The following TM9SF1 variants were observed in gnomAD, a reference collection of about 807,000 sequenced individuals.
The protein encoded by TM9SF1 is MP70 protein family member.
A neutral mutation model predicts 52.4 loss-of-function variants in TM9SF1; 25 were observed. That is an observed-to-expected ratio of 0.48 (90% CI 0.35 to 0.67). The LOEUF is 0.67. Ranked by LOEUF, TM9SF1 falls within the 30% of genes least tolerant of loss-of-function variation. TM9SF1 has a pLI of 0.01. For missense variants in TM9SF1, 604 were observed against 780.3 expected, an observed-to-expected ratio of 0.77 and a Z score of 2.69; for synonymous variants, 284 against 299.8, an observed-to-expected ratio of 0.95 and a Z score of 0.55.
At position 24,189,209 on chromosome 14, in the gene TM9SF1, G is replaced by A. The variant is rs138656293; in HGVS notation, c.*206C>T. ...AAGAAAAATCAGGACCAAAACTAAA[G>A]GCAACTTAAAAAGTTCAAATATATA... On this transcript the variant is annotated 3_prime_UTR_variant, in exon 6 of 6. Coordinates refer to ENST00000261789, the MANE Select transcript of TM9SF1 (RefSeq NM_006405.7). The A allele has an allele frequency of 4.1e-5, 21 of 515,296 alleles. No individual in the cohort carries two copies. The East Asian group carries it at 6.4e-4, about 16-fold the overall frequency. 31.9% of individuals were successfully genotyped at this position (515,296 alleles called of 1,614,324 possible).
Position 24,193,172 on chromosome 14 carries a change from C to G in TM9SF1, c.443G>C (p.Ser148Thr), listed in dbSNP as rs1479760657. ...CTTGTGGCTGTGTGGCAGGAAACCACTCTCCTCCATGTAGCCCACAAAGCC... is the reference window on the plus strand; with the variant it reads ...CTTGTGGCTGTGTGGCAGGAAACCAGTCTCCTCCATGTAGCCCACAAAGCC... ...IRGFVGYMEE[S>T]GFLPHSHKIG... Residue 148 changes from serine (S) to threonine (T), a missense_variant, in exon 3 of 6, where the codon AGT becomes ACT. By Grantham distance (58) the Ser-to-Thr change is moderately conservative (BLOSUM62 1). Around this residue, in one of 3 missense-constraint regions of TM9SF1, gnomAD observed 450 missense variants for 560.1 expected, o/e 0.80. Transcript: ENST00000261789. 1.2e-6 allele frequency: 2 copies of G among 1,614,034 alleles called. No homozygotes were observed. Among genetic ancestry groups the G allele is most frequent in the Middle Eastern group, 1.6e-4 (1 of 6,084 alleles).
chr14:24,195,291 C>T (rs1372136136), intron 1 of TM9SF1, 55 bp downstream of exon 1: 2 of 457,080 alleles, frequency 4.4e-6, no homozygotes, highest in Non-Finnish European at 7.9e-6. Flanking sequence ...TCCATGGCAA[C>T]GCCGCTCGGT....
rs1406769478 is a variant in TM9SF1 at position 24,192,951 on chromosome 14, C to G, written c.664G>C (p.Gly222Arg). 1 of 1,614,060 alleles carries G rather than the reference C, an allele frequency of 6.2e-7. No individual in the cohort carries two copies. Among genetic ancestry groups the G allele is most frequent in the Admixed American group, 1.7e-5 (1 of 60,010 alleles). The part of the protein sequence containing the change: ...SVERRSDRRR[G>R]DDGGFFPRTL... ...CGAGGAAAGAAACCACCATCGTCAC[C>G]ACGGCGCCTGTCACTCCGACGCTCC... The change falls in exon 3 of 6, where the codon GGT (glycine) becomes CGT (arginine). Residue 222 changes from glycine (G) to arginine (R), a missense_variant. Around this residue, in one of 3 missense-constraint regions of TM9SF1, gnomAD observed 450 missense variants for 560.1 expected, o/e 0.80. Transcript: ENST00000261789. The surrounding 1 kb of genome is among the most constrained non-coding windows in gnomAD (Gnocchi z 4.0).
intron 1 of TM9SF1, 78 bp from the exon 2 acceptor site, chr14:24,195,114 C>A: frequency 9.8e-7 from 1 of 1,016,814 alleles, no homozygotes; most frequent in Non-Finnish European, 1.4e-6. Flanking sequence ...AACTGAGGTC[C>A]CCTGGCTCCA....
At chr14:24,195,281 T>C in intron 1 of TM9SF1, 65 bp downstream of exon 1, 1 of 481,622 alleles carries the variant, frequency 2.1e-6, no homozygotes, top group Non-Finnish European at 3.7e-6. Flanking sequence ...CTGGCCCGTT[T>C]CCATGGCAAC....
chr14:24,192,768 A>C lies in TM9SF1; in HGVS notation c.847T>G (p.Phe283Val). 4.3e-6 allele frequency: 7 copies of C among 1,614,210 alleles called. No homozygotes were observed. Among genetic ancestry groups the C allele is most frequent in the Non-Finnish European group, 5.9e-6 (7 of 1,180,036 alleles). The change falls in exon 3 of 6, where the codon TTT (phenylalanine) becomes GTT (valine). Residue 283 changes from phenylalanine (F) to valine (V), a missense_variant. Phe to Val is a conservative substitution (Grantham distance 50). Around this residue, in one of 3 missense-constraint regions of TM9SF1, gnomAD observed 450 missense variants for 560.1 expected, o/e 0.80. Transcript: ENST00000261789. This position sits in a 1 kb window ranked among gnomAD's most constrained non-coding sequence, Gnocchi z 4.0. ...ETTSAGSGDD[F>V]DQGDNGWKII... ...TTCCAGCCATTGTCACCCTGGTCAA[A>C]GTCATCACCAGAACCTGCAGAGGTG...
chr14:24,193,987 T>G (rs1428508230), intron 2 of TM9SF1, among the ~76,000 whole-genome samples: 1 of 151,962 alleles, frequency 6.6e-6, no homozygotes, highest in Admixed American at 6.6e-5. Context: ...TGGATAATTC[T>G]TTGTCATAGT....
intron 5 of TM9SF1, 150 bp downstream of exon 5, chr14:24,190,230 C>T (rs1455223976): frequency 1.3e-6 from 2 of 1,481,678 alleles, no homozygotes; most frequent in African/African-American, 2.8e-5. Context: ...CTCAGTCCTG[C>T]TTGGGGATAG....
Position 24,189,819 on chromosome 14 carries a change from AAG to A in TM9SF1, c.1428-13_1428-12del. ...TCCACAGAGATGGCACTGTGAAGAA[AAG>A]AGATGATACACAGCATTAAAGGGCT... On this transcript the variant is annotated splice_polypyrimidine_tract_variant and intron_variant, in intron 5 of 5. Transcript: ENST00000261789. 2.5e-6 allele frequency: 4 copies of A among 1,593,504 alleles called. No individual in the cohort carries two copies. The highest frequency in any genetic ancestry group is 3.4e-6 in the Non-Finnish European group (4 of 1,167,208).
At chr14:24,194,561 T>G in intron 2 of TM9SF1, 114 bp downstream of exon 2, 1 of 1,009,670 alleles carries the variant, frequency 9.9e-7, no homozygotes, top group East Asian at 2.4e-5. Context: ...TGGGTTGTAT[T>G]GTAGTTAGAA....
intron 4 of TM9SF1, chr14:24,191,908 C>A (rs1395467809): frequency 2.6e-6 from 1 of 391,988 alleles, no homozygotes; most frequent in Non-Finnish European, 4.9e-6. Context: ...CCCTGGCTCC[C>A]CAGGCTCAAG....
At position 24,190,578 on chromosome 14, in the gene TM9SF1, G is replaced by A; in HGVS notation, c.1229C>T (p.Thr410Ile). 4 of 1,614,202 alleles carry A rather than the reference G, an allele frequency of 2.5e-6. No homozygotes were observed. Among genetic ancestry groups the A allele is most frequent in the Non-Finnish European group, 3.4e-6 (4 of 1,180,040 alleles). ...AACCGTCAGAAGCAGCAGGATGGTT[G>A]TGGCTGGCAGAGCCTGTGTCGAACC... is the stretch of plus-strand genomic sequence containing the variant. ...ANGSTQALPA[T>I]TILLLLTVWL... The change falls in exon 5 of 6, where the codon ACA becomes ATA. Residue 410 changes from threonine (T) to isoleucine (I), a missense_variant. Transcript: ENST00000261789.
intron 4 of TM9SF1, chr14:24,191,886 T>C (rs1475315739): frequency 5.6e-6 from 2 of 359,050 alleles, no homozygotes; most frequent in African/African-American, 4.1e-5. Flanking sequence ...TGGCTCACTG[T>C]AGCCTCAACC....
At position 24,192,444 on chromosome 14, in the gene TM9SF1, C is replaced by G. The variant is rs1006825058; in HGVS notation, c.968-88G>C. ...AGGAATCAGCCCCCCTTCTCCCAGA[C>G]CCAGGGCCTCCAGCAAAACAATCTC... On this transcript the variant is annotated intron_variant, in intron 3 of 5. Transcript: ENST00000261789. This position sits in a 1 kb window ranked among gnomAD's most constrained non-coding sequence, Gnocchi z 4.0. The G allele has an allele frequency of 2.0e-6, 3 of 1,465,370 alleles. No individual in the cohort carries two copies. In the African/African-American group the frequency reaches 4.2e-5, roughly 21 times the overall value. 90.8% of individuals were successfully genotyped at this position (1,465,370 alleles called of 1,614,324 possible).
Position 24,189,217 on chromosome 14 carries a change from A to G in TM9SF1, c.*198T>C. 1 of 536,954 alleles carries G rather than the reference A, an allele frequency of 1.9e-6. No homozygotes were observed. The highest frequency in any genetic ancestry group is 3.7e-5 in the South Asian group (1 of 27,114). 33.3% of individuals were successfully genotyped at this position (536,954 alleles called of 1,614,324 possible). A position where few individuals can be genotyped will look rare whatever the true frequency, so the allele number is the denominator to read the frequency against. On this transcript the variant is annotated 3_prime_UTR_variant, in exon 6 of 6. Transcript: ENST00000261789. ...TCAGGACCAAAACTAAAGGCAACTTAAAAAGTTCAAATATATAATCCTTAT... is the reference window on the plus strand; with the variant it reads ...TCAGGACCAAAACTAAAGGCAACTTGAAAAGTTCAAATATATAATCCTTAT...
At position 24,189,433 on chromosome 14, in the gene TM9SF1, A is replaced by G. The variant is rs2039282326; in HGVS notation, c.1803T>C (p.Val601=). Residue 601 remains valine, a synonymous_variant, in exon 6 of 6, where the codon GTT becomes GTC. Transcript: ENST00000261789. ...SSLKFIRYIY[V]NLKMD ...ACAGAACTCAGTCCATCTTGAGGTT[A>G]ACATAGATATACCGGATGAACTTTA... 1.2e-6 allele frequency: 2 copies of G among 1,613,524 alleles called. No homozygotes were observed. Among genetic ancestry groups the G allele is most frequent in the Non-Finnish European group, 8.5e-7 (1 of 1,179,808 alleles).
At position 24,189,338 on chromosome 14, in the gene TM9SF1, C is replaced by G. The variant is rs1386101350; in HGVS notation, c.*77G>C. The G allele has an allele frequency of 6.8e-7, 1 of 1,465,148 alleles. No individual in the cohort carries two copies. Among genetic ancestry groups the G allele is most frequent in the Admixed American group, 2.2e-5 (1 of 45,180 alleles). 90.8% of individuals were successfully genotyped at this position (1,465,148 alleles called of 1,614,324 possible). A position where few individuals can be genotyped will look rare whatever the true frequency, so the allele number is the denominator to read the frequency against. ...AATGCCATCACACAATTCAGTCAATCAGAAGAGAAGCTGGTAGGAGAGTTC... is the reference window on the plus strand; with the variant it reads ...AATGCCATCACACAATTCAGTCAATGAGAAGAGAAGCTGGTAGGAGAGTTC... On this transcript the variant is annotated 3_prime_UTR_variant, in exon 6 of 6. Transcript: ENST00000261789.
intron 2 of TM9SF1, among the ~76,000 whole-genome samples, chr14:24,194,065 C>G (rs1347179921): frequency 6.6e-6 from 1 of 152,134 alleles, no homozygotes; most frequent in South Asian, 2.1e-4. Flanking sequence ...GGTAGTACCC[C>G]CCCAGCTGTA....
chr14:24,190,893 G>T (rs2039314313), intron 4 of TM9SF1, among the ~76,000 whole-genome samples: 1 of 114,904 alleles, frequency 8.7e-6, no homozygotes, highest in Admixed American at 1.3e-4. Context: ...ACAGAGTCTC[G>T]CTCTGTCGCC....
Sources: gnomAD v4.1 joint callset for allele counts (sites outside exome capture counted in the v4.1 genomes callset) on GRCh38, gnomAD v4.1.1 for gene constraint, gnomAD v4.1.1 regional missense constraint, Gnocchi (gnomAD v3.1) non-coding constraint, MANE v1.5 for transcripts, NCBI Gene and HGNC (gene_info 2026-07-23, HGNC 2026-07-21) for gene names.